The following WIPF1 variants were observed in gnomAD, a reference collection of about 807,000 sequenced individuals.
WIPF1 encodes WAS/WASL-interacting protein family member 1.
Under a neutral mutation model 35.4 loss-of-function variants are expected in WIPF1, and 13 were observed. That is an observed-to-expected ratio of 0.37 (90% confidence interval 0.24 to 0.58). The LOEUF is 0.58. WIPF1 is among the 20% of genes least tolerant of loss of function. WIPF1 has a pLI of 0.74. For missense variants in WIPF1, 591 were observed against 667.0 expected (o/e 0.89, Z 1.25); for synonymous variants, 267 against 266.3 (o/e 1.00, Z -0.02).
intron 1 of WIPF1, among the ~76,000 whole-genome samples, chr2:174,607,382 A>G (rs1686203784): frequency 1.3e-5 from 2 of 152,046 alleles, no homozygotes; most frequent in Non-Finnish European, 2.9e-5. Flanking sequence ...CAACCTGGGC[A>G]ACAGAGCAGG....
At position 174,622,689 on chromosome 2, in the gene WIPF1, A is replaced by C. The variant is rs1686712532; in HGVS notation, c.-38-37078T>G. Among the ~76,000 whole-genome samples the C allele has an allele frequency of 6.6e-6, 1 of 152,254 alleles. No individual in the cohort carries two copies. On this transcript the variant is annotated intron_variant, in intron 1 of 8. Transcript: ENST00000272746. This position sits in a 1 kb window ranked among gnomAD's most constrained non-coding sequence, Gnocchi z 5.1. ...AGGCTTGCATTTATTCTGGCTGATT[A>C]GCACTTGTGTCTGCCCCGCGGTCAG...
chr2:174,672,812 G>A (rs534493931), intron 1 of WIPF1, among the ~76,000 whole-genome samples: 2 of 152,314 alleles, frequency 1.3e-5, no homozygotes, highest in Non-Finnish European at 2.9e-5. Flanking sequence ...AGGCAACAAA[G>A]CTGGGATTAG....
At chr2:174,653,866 CTG>C (rs1313460734) in intron 1 of WIPF1, among the ~76,000 whole-genome samples, 43 of 152,228 alleles carry the variant, frequency 2.8e-4, no homozygotes, top group African/African-American at 1.0e-3. Flanking sequence ...TGCTTTGCCA[CTG>C]ATCACCTGAC....
intron 1 of WIPF1, among the ~76,000 whole-genome samples, chr2:174,642,143 C>T (rs1687309014): frequency 6.6e-6 from 1 of 152,126 alleles, no homozygotes; most frequent in Non-Finnish European, 1.5e-5. Flanking sequence ...ACATGCCTTT[C>T]ACTTCAACCA....
intron 1 of WIPF1, among the ~76,000 whole-genome samples, chr2:174,670,193 C>G (rs538692392): frequency 4.5e-4 from 68 of 152,278 alleles, no homozygotes; most frequent in Non-Finnish European, 7.8e-4. Context: ...CCCTGCCCCC[C>G]CATCCCACTG....
rs1009359193 is a variant in WIPF1 at position 174,590,561 on chromosome 2, G to A, written c.-38-4950C>T. 6.6e-6 allele frequency among the ~76,000 whole-genome samples: 1 copy of A among 152,158 alleles called. No individual in the cohort carries two copies. ...GCATGGCAGGAAAGGCAGCTGATTC[G>A]GGTGCAGGAGAGACGCAAGAAGGGA... On this transcript the variant is annotated intron_variant, in intron 1 of 7. Transcript: ENST00000679041. This position sits in a 1 kb window ranked among gnomAD's most constrained non-coding sequence, Gnocchi z 4.6.
chr2:174,642,342 CCT>C (rs1491108425), intron 1 of WIPF1, among the ~76,000 whole-genome samples: 1 of 131,838 alleles, frequency 7.6e-6, no homozygotes, highest in African/African-American at 3.0e-5. Flanking sequence ...CCTTCCTCCA[CCT>C]TTTTTTTTTT....
intron 1 of WIPF1, among the ~76,000 whole-genome samples, chr2:174,674,903 TACACACACACACAC>T (rs35062209): frequency 0.017 from 2,264 of 134,016 alleles, 59 homozygotes; most frequent in African/African-American, 0.061. Context: ...CAGGTTCAAA[TACACACACACACAC>T]ACACACACAC....
chr2:174,586,874 C>T (rs1356052210), intron 1 of WIPF1, among the ~76,000 whole-genome samples: 1 of 152,202 alleles, frequency 6.6e-6, no homozygotes, highest in Non-Finnish European at 1.5e-5. Context: ...GATTCATACG[C>T]ACTAAAGCCC....
intron 1 of WIPF1, among the ~76,000 whole-genome samples, chr2:174,660,862 T>C (rs1045480465): frequency 6.6e-6 from 1 of 152,106 alleles, no homozygotes; most frequent in Non-Finnish European, 1.5e-5. Context: ...GCAATACAAA[T>C]AAAGCCTGGG....
intron 1 of WIPF1, among the ~76,000 whole-genome samples, chr2:174,627,966 G>C (rs745981629): frequency 1.6e-4 from 25 of 152,090 alleles, no homozygotes; most frequent in Non-Finnish European, 2.9e-4. Context: ...CTTAGGAGAG[G>C]CTGCTGTTTA....
chr2:174,664,208 G>A (rs1336427565), intron 1 of WIPF1, among the ~76,000 whole-genome samples: 1 of 152,176 alleles, frequency 6.6e-6, no homozygotes, highest in African/African-American at 2.4e-5. Context: ...AGTATGACTG[G>A]TCTGGGTCTG....
At chr2:174,619,138 G>A (rs1021726951) in intron 1 of WIPF1, among the ~76,000 whole-genome samples, 4 of 151,696 alleles carry the variant, frequency 2.6e-5, no homozygotes, top group Non-Finnish European at 4.4e-5. Flanking sequence ...TTTTAGATAC[G>A]GGGTCACACT....
chr2:174,677,089 G>A (rs1688150267), intron 1 of WIPF1: 1 of 152,066 alleles, frequency 6.6e-6, no homozygotes, highest in Non-Finnish European at 1.5e-5. Context: ...GGGAAGTCGA[G>A]GCTGCAGCGA....
chr2:174,652,807 A>C (rs955492826), intron 1 of WIPF1, among the ~76,000 whole-genome samples: 5 of 151,398 alleles, frequency 3.3e-5, no homozygotes, highest in African/African-American at 1.2e-4. Context: ...AAAAAAAAAA[A>C]CAAAAAAAAA....
At chr2:174,641,909 T>A (rs1574856275) in intron 1 of WIPF1, among the ~76,000 whole-genome samples, 1 of 152,226 alleles carries the variant, frequency 6.6e-6, no homozygotes, top group Admixed American at 6.5e-5. Context: ...TAATTAAGAT[T>A]TACGTGGTTA....
chr2:174,661,949 C>T (rs911442551), intron 1 of WIPF1, among the ~76,000 whole-genome samples: 1 of 152,058 alleles, frequency 6.6e-6, no homozygotes, highest in Non-Finnish European at 1.5e-5. Flanking sequence ...AAGAAAAGAA[C>T]AGATGAAATG....
chr2:174,664,700 C>T (rs918107882), intron 1 of WIPF1, among the ~76,000 whole-genome samples: 3 of 152,242 alleles, frequency 2.0e-5, no homozygotes, highest in African/African-American at 7.2e-5. Flanking sequence ...ACCAGACAAA[C>T]CTCAACCTTT....
chr2:174,642,343 CTTTTTTT>C (rs780884199), intron 1 of WIPF1, among the ~76,000 whole-genome samples: 7 of 102,824 alleles, frequency 6.8e-5, no homozygotes, highest in Admixed American at 3.7e-4. Context: ...CTTCCTCCAC[CTTTTTTT>C]TTTTTTTTTT....
Sources: gnomAD v4.1 joint callset for allele counts (sites outside exome capture counted in the v4.1 genomes callset) on GRCh38, gnomAD v4.1.1 for gene constraint, Gnocchi (gnomAD v3.1) non-coding constraint, MANE v1.5 for transcripts, NCBI Gene and HGNC (gene_info 2026-07-23, HGNC 2026-07-21) for gene names.